Variants in FLACC1 observed in about 807,000 individuals in gnomAD.
FLACC1 encodes the protein flagellum-associated coiled-coil domain-containing protein 1.
Under a neutral mutation model 62.8 loss-of-function variants are expected in FLACC1, and 66 were observed. The observed-to-expected ratio is 1.05, with a 90% CI of 0.86 to 1.29. FLACC1 has a LOEUF of 1.29. FLACC1 is among the 50% of genes most tolerant of loss of function. The probability of loss-of-function intolerance (pLI) is 0.00; values close to 1 mark genes in which losing one functional copy is unlikely to be tolerated. For missense variants in FLACC1, 452 were observed against 489.1 expected (o/e 0.92, Z 0.71); for synonymous variants, 156 against 161.0 (o/e 0.97, Z 0.24).
intron 8 of FLACC1, 47 bp from the exon 9 acceptor site, chr2:201,330,569 C>A: frequency 6.3e-7 from 1 of 1,594,246 alleles, no homozygotes; most frequent in South Asian, 1.1e-5. Context: ...TTCTGATATG[C>A]ACATTTTCAA....
chr2:201,314,145 A>G (rs986960549), intron 9 of FLACC1, among the ~76,000 whole-genome samples: 2 of 152,192 alleles, frequency 1.3e-5, no homozygotes, highest in Non-Finnish European at 2.9e-5. Flanking sequence ...GTAATATGAA[A>G]AAACAAGGTT....
At chr2:201,306,063 C>G (rs1462972538) in intron 11 of FLACC1, among the ~76,000 whole-genome samples, 1 of 150,378 alleles carries the variant, frequency 6.6e-6, no homozygotes, top group African/African-American at 2.5e-5. Context: ...TGCACATGTA[C>G]CCTGGAACTT....
intron 3 of FLACC1, among the ~76,000 whole-genome samples, chr2:201,349,721 T>C (rs183698077): frequency 1.3e-5 from 2 of 152,278 alleles, no homozygotes; most frequent in East Asian, 1.9e-4. Flanking sequence ...ATGCAACCCA[T>C]AGAAAATCTT....
At chr2:201,321,497 C>T (rs757728332) in intron 9 of FLACC1, among the ~76,000 whole-genome samples, 1 of 152,158 alleles carries the variant, frequency 6.6e-6, no homozygotes, top group African/African-American at 2.4e-5. Context: ...ACCCCCCCAC[C>T]CATTGTCTAC....
At chr2:201,328,670 C>T (rs930320400) in intron 9 of FLACC1, among the ~76,000 whole-genome samples, 2 of 152,228 alleles carry the variant, frequency 1.3e-5, no homozygotes, top group African/African-American at 4.8e-5. Flanking sequence ...AGGTGATCTG[C>T]CTGCCTCGGC....
At chr2:201,298,066 G>A (rs1189420694) in intron 12 of FLACC1, among the ~76,000 whole-genome samples, 4 of 152,144 alleles carry the variant, frequency 2.6e-5, no homozygotes, top group South Asian at 2.1e-4. Flanking sequence ...AAGAGACAAG[G>A]TTAGAGGAAG....
upstream of FLACC1, among the ~76,000 whole-genome samples, chr2:201,360,944 G>A (rs181964796): frequency 6.6e-6 from 1 of 152,216 alleles, no homozygotes; most frequent in Non-Finnish European, 1.5e-5. Context: ...TGGGTGTGGT[G>A]GTGCATGCTT....
chr2:201,341,927 C>T (rs994518101), intron 7 of FLACC1, among the ~76,000 whole-genome samples: 32 of 152,220 alleles, frequency 2.1e-4, no homozygotes, highest in African/African-American at 7.2e-4. Flanking sequence ...TTCTCTTATA[C>T]TTTCTTCCTA....
At chr2:201,325,539 G>T (rs187757594) in intron 9 of FLACC1, among the ~76,000 whole-genome samples, 1 of 151,992 alleles carries the variant, frequency 6.6e-6, no homozygotes. Context: ...TACTATGAAC[G>T]CCTTTTTGCA....
At chr2:201,296,659 T>C (rs983041806) in intron 12 of FLACC1, among the ~76,000 whole-genome samples, 1 of 151,968 alleles carries the variant, frequency 6.6e-6, no homozygotes, top group African/African-American at 2.4e-5. Context: ...ACTTACAGTA[T>C]AATAAAAAAA....
chr2:201,311,700 CAAA>C (rs34119306), intron 9 of FLACC1, among the ~76,000 whole-genome samples: 6 of 113,408 alleles, frequency 5.3e-5, no homozygotes, highest in African/African-American at 6.7e-5. Flanking sequence ...GACACTGACT[CAAA>C]AAAAAAAAAA....
At chr2:201,308,271 G>C (rs895714554) in intron 10 of FLACC1, among the ~76,000 whole-genome samples, 8 of 152,196 alleles carry the variant, frequency 5.3e-5, no homozygotes, top group African/African-American at 1.9e-4. Context: ...CGTATGAGTA[G>C]CTAGAATCTG....
At position 201,326,336 on chromosome 2, in the gene FLACC1, A is replaced by G. The variant is rs1013170515; in HGVS notation, c.675+4134T>C. 5.3e-5 allele frequency among the ~76,000 whole-genome samples: 8 copies of G among 152,208 alleles called. No homozygotes were observed. Among genetic ancestry groups the G allele is most frequent in the African/African-American group, 1.4e-4 (6 of 41,462 alleles). On this transcript the variant is annotated intron_variant, in intron 9 of 14. Coordinates refer to ENST00000392257, the MANE Select transcript of FLACC1 (RefSeq NM_001127391.3). This position sits in a 1 kb window ranked among gnomAD's most constrained non-coding sequence, Gnocchi z 4.1. Reference sequence around the variant, plus strand: ...CCTAGCTAGAGCAATTAGACAGGAGAAAGAAATAAAGGGCGTCCAAATTGG... The same window carrying G: ...CCTAGCTAGAGCAATTAGACAGGAGGAAGAAATAAAGGGCGTCCAAATTGG...
intron 11 of FLACC1, among the ~76,000 whole-genome samples, chr2:201,303,877 A>C (rs1950044516): frequency 6.6e-6 from 1 of 152,126 alleles, no homozygotes; most frequent in Admixed American, 6.6e-5. Flanking sequence ...CAAAATTCGA[A>C]AACCATTCAT....
At chr2:201,303,187 A>C (rs1461368701) in intron 11 of FLACC1, among the ~76,000 whole-genome samples, 1 of 152,098 alleles carries the variant, frequency 6.6e-6, no homozygotes, top group Non-Finnish European at 1.5e-5. Context: ...CGCTAGCAAG[A>C]CTAATAAAGA....
intron 7 of FLACC1, among the ~76,000 whole-genome samples, chr2:201,337,219 T>C (rs949089728): frequency 2.0e-5 from 3 of 152,244 alleles, no homozygotes; most frequent in African/African-American, 4.8e-5. Context: ...CCTAGACCGA[T>C]GTCCTGAAGA....
intron 11 of FLACC1, among the ~76,000 whole-genome samples, chr2:201,304,928 T>C (rs1033096235): frequency 2.0e-5 from 3 of 152,156 alleles, no homozygotes; most frequent in Admixed American, 2.0e-4. Context: ...ATACAAAAAT[T>C]AATTCAAGAT....
At chr2:201,290,528 A>G (rs1949709384) in intron 12 of FLACC1, among the ~76,000 whole-genome samples, 1 of 152,228 alleles carries the variant, frequency 6.6e-6, no homozygotes, top group Admixed American at 6.5e-5. Flanking sequence ...AAAGGTCCTT[A>G]GAATGCAAAA....
At chr2:201,329,393 C>T (rs1160113567) in intron 9 of FLACC1, among the ~76,000 whole-genome samples, 3 of 152,180 alleles carry the variant, frequency 2.0e-5, no homozygotes, top group African/African-American at 7.2e-5. Context: ...TGGAAATTCT[C>T]AAAGAACTTA....
Sources: gnomAD v4.1 joint callset for allele counts (sites outside exome capture counted in the v4.1 genomes callset) on GRCh38, gnomAD v4.1.1 for gene constraint, Gnocchi (gnomAD v3.1) non-coding constraint, MANE v1.5 for transcripts, NCBI Gene and HGNC (gene_info 2026-07-23, HGNC 2026-07-21) for gene names.